C10orf105: variants seen among roughly 807,000 people sequenced by gnomAD.
C10orf105 encodes the protein chromosome 10 open reading frame 105, also known as uncharacterized protein C10orf105.
In C10orf105, 2 loss-of-function variants were observed where a neutral mutation model predicts 0.6. That is an observed-to-expected ratio of 3.18 (90% confidence interval 1.30 to 10.01). The LOEUF is 10.01. Ranked by LOEUF, C10orf105 falls within the 30% of genes most tolerant of loss-of-function variation. The pLI is 0.04. For synonymous variants in C10orf105, 95 were observed against 82.4 expected, an observed-to-expected ratio of 1.15 and a Z score of -0.83; for missense variants, 209 against 191.4, an observed-to-expected ratio of 1.09 and a Z score of -0.54.
chr10:71,715,624 G>A lies in C10orf105; in HGVS notation c.*312C>T, dbSNP rs1589365052. ...CGAGCGAGGGTGCTGCTTCTAGGAG[G>A]TGGTTACGAGCCCCAGGTTGTACCC... On this transcript the variant is annotated 3_prime_UTR_variant, in exon 2 of 2. Coordinates refer to ENST00000441508, the MANE Select transcript of C10orf105 (RefSeq NM_001164375.3). 2 of 261,190 alleles carry A rather than the reference G, an allele frequency of 7.7e-6. No individual in the cohort carries two copies. The highest frequency in any genetic ancestry group is 6.8e-5 in the East Asian group (1 of 14,642). 16.2% of individuals were successfully genotyped at this position (261,190 alleles called of 1,614,324 possible).
At chr10:71,737,260 G>A (rs1367484828) in intron 1 of C10orf105, among the ~76,000 whole-genome samples, 2 of 152,226 alleles carry the variant, frequency 1.3e-5, no homozygotes, top group Non-Finnish European at 2.9e-5. Flanking sequence ...GAACAGGGAA[G>A]AGTAGGTGCC....
intron 1 of C10orf105, chr10:71,734,201 G>A: frequency 3.3e-6 from 5 of 1,524,980 alleles, no homozygotes; most frequent in Non-Finnish European, 2.7e-6. Flanking sequence ...TAACAAGGGT[G>A]CGATGTTGTC....
upstream of C10orf105, chr10:71,724,082 G>A (rs753822806): frequency 1.9e-4 from 292 of 1,559,904 alleles, no homozygotes; most frequent in East Asian, 3.4e-4. Flanking sequence ...GAGTTTGGGC[G>A]TGTGTGGTAC....
Position 71,715,951 on chromosome 10 carries a change from T to A in C10orf105, c.387A>T (p.Glu129Asp). Residue 129 changes from glutamate (E) to aspartate (D), a missense_variant, in exon 2 of 2, where the codon GAA becomes GAT. Transcript: ENST00000441508. ...GGACACCCCATTACATCTTGGTAGA[T>A]TCCATGTAGTCACAGTGGCTGCGGT... Reference protein sequence around the residue: ...EDNRSHCDYMESTKM With the variant: ...EDNRSHCDYMDSTKM The A allele has an allele frequency of 6.8e-7, 1 of 1,472,744 alleles. No homozygotes were observed. Among genetic ancestry groups the A allele is most frequent in the Non-Finnish European group, 9.0e-7 (1 of 1,111,882 alleles). The allele number at this position is 1,472,744 out of a possible 1,614,324, so 91.2% of individuals were successfully genotyped here.
chr10:71,728,691 A>G (rs1005858730), intron 1 of C10orf105, among the ~76,000 whole-genome samples: 5 of 152,296 alleles, frequency 3.3e-5, no homozygotes, highest in Admixed American at 6.5e-5. Context: ...TTTGCTGGCA[A>G]GTTCCTACCG....
In C10orf105 at chr10:71,713,021, G is replaced by A. The variant is rs1342851940; in HGVS notation, c.*2915C>T. On this transcript the variant is annotated 3_prime_UTR_variant, in exon 2 of 2. Transcript: ENST00000441508. ...GTGGGCCCCCAGGTTGCAGAGCTGA[G>A]GATAGGGCTCTGGCTCCCCACAAAC... The A allele has an allele frequency of 1.4e-6, 1 of 740,554 alleles. No individual in the cohort carries two copies. The highest frequency in any genetic ancestry group is 1.5e-5 in the South Asian group (1 of 68,062). 45.9% of individuals were successfully genotyped at this position (740,554 alleles called of 1,614,324 possible).
At chr10:71,732,433 C>T (rs1839423773) in intron 1 of C10orf105, 1 of 1,546,394 alleles carries the variant, frequency 6.5e-7, no homozygotes, top group Non-Finnish European at 8.7e-7. Context: ...ATTGGTTGAG[C>T]TCCTTCTGTG....
rs894991080 is a variant in C10orf105, at chr10:71,725,240, G to A, written c.-5-8898C>T. The A allele has an allele frequency of 9.4e-6, 14 of 1,489,596 alleles. No individual in the cohort carries two copies. The African/African-American group carries it at 1.2e-4, about 13-fold the overall frequency. The allele number at this position is 1,489,596 out of a possible 1,614,324, so 92.3% of individuals were successfully genotyped here. A position where few individuals can be genotyped will look rare whatever the true frequency, so the allele number is the denominator to read the frequency against. ...CAGCTTCCTCTCCACTGTGAATTCTGTGTCCCAGAAGACCCGCAGCCTCCT... is the reference window on the plus strand; with the variant it reads ...CAGCTTCCTCTCCACTGTGAATTCTATGTCCCAGAAGACCCGCAGCCTCCT... On this transcript the variant is annotated intron_variant, in intron 1 of 1. Transcript: ENST00000398786.
rs368249713 is a variant in C10orf105 at position 71,718,023 on chromosome 10, C to T, written c.-6+1604G>A. ...GATATTTAAATTCTACTGACGTGGA[C>T]AAGCAATCCCAGGGGGTCTGATAAA... On this transcript the variant is annotated intron_variant, in intron 1 of 1. Transcript: ENST00000441508. 3.3e-5 allele frequency: 5 copies of T among 152,222 alleles called. 1 individual carries two copies. The East Asian group carries it at 7.7e-4, about 23-fold the overall frequency. The allele number at this position is 152,222 out of a possible 1,614,324, so 9.4% of individuals were successfully genotyped here.
At chr10:71,723,487 G>A (rs1422408841), upstream of C10orf105, among the ~76,000 whole-genome samples, 1 of 152,200 alleles carries the variant, frequency 6.6e-6, no homozygotes, top group Non-Finnish European at 1.5e-5. Context: ...AGGCCGATCT[G>A]AAGCTAGACT....
intron 1 of C10orf105, among the ~76,000 whole-genome samples, chr10:71,731,349 A>C (rs1389688390): frequency 1.3e-5 from 2 of 152,298 alleles, no homozygotes; most frequent in East Asian, 3.9e-4. Flanking sequence ...TGTGGCATGC[A>C]TGGGATGGGG....
chr10:71,728,351 C>T (rs1866908574), intron 1 of C10orf105, among the ~76,000 whole-genome samples: 1 of 152,082 alleles, frequency 6.6e-6, no homozygotes, highest in Admixed American at 6.5e-5. Flanking sequence ...CACAGCAGAG[C>T]TTTGGGAACC....
upstream of C10orf105, among the ~76,000 whole-genome samples, chr10:71,724,753 G>A (rs1866731384): frequency 6.6e-6 from 1 of 152,210 alleles, no homozygotes; most frequent in African/African-American, 2.4e-5. Flanking sequence ...AGAATCCAGT[G>A]CCCATCCCTG....
At chr10:71,737,465 G>A (rs1254926023) in intron 1 of C10orf105, among the ~76,000 whole-genome samples, 2 of 152,244 alleles carry the variant, frequency 1.3e-5, no homozygotes, top group East Asian at 3.8e-4. Context: ...AGATAGGGGA[G>A]TGTGGCTGGG....
In C10orf105 at chr10:71,716,117, C is replaced by T. The variant is rs1041112412; in HGVS notation, c.221G>A (p.Cys74Tyr). 2 of 1,547,928 alleles carry T rather than the reference C, an allele frequency of 1.3e-6. No individual in the cohort carries two copies. Among genetic ancestry groups the T allele is most frequent in the African/African-American group, 2.7e-5 (2 of 73,088 alleles). ...GGGGCTCCCAGGGTGGTGGGGCATGCACTCGTGAGCCCTGCGGCGGCTCGG... is the reference window on the plus strand; with the variant it reads ...GGGGCTCCCAGGGTGGTGGGGCATGTACTCGTGAGCCCTGCGGCGGCTCGG... The part of the protein sequence containing the change: ...LDPSRRRAHE[C>Y]MPHHPGSPSE... The change falls in exon 2 of 2, where the codon TGC (cysteine) becomes TAC (tyrosine). Residue 74 changes from cysteine to tyrosine, a missense_variant. Physicochemically the swap from Cys to Tyr is radical, Grantham distance 194. Transcript: ENST00000441508.
chr10:71,721,445 C>A (rs1866549818), upstream of C10orf105, among the ~76,000 whole-genome samples: 2 of 152,218 alleles, frequency 1.3e-5, no homozygotes, highest in Admixed American at 1.3e-4. Context: ...GACTTCTGAT[C>A]TTCCCCTCAA....
intron 1 of C10orf105, chr10:71,730,460 C>A (rs1166973738): frequency 6.2e-7 from 1 of 1,613,122 alleles, no homozygotes; most frequent in African/African-American, 1.3e-5. Context: ...CCTGGCCCGG[C>A]TCCCACAGGT....
At chr10:71,733,228 C>A (rs544559019) in intron 1 of C10orf105, among the ~76,000 whole-genome samples, 1 of 152,208 alleles carries the variant, frequency 6.6e-6, no homozygotes, top group South Asian at 2.1e-4. Flanking sequence ...AAGAGACACA[C>A]AGAGCAAGGC....
upstream of C10orf105, among the ~76,000 whole-genome samples, chr10:71,723,566 G>C (rs1463167384): frequency 1.3e-5 from 2 of 152,180 alleles, no homozygotes; most frequent in African/African-American, 4.8e-5. Flanking sequence ...CTTCCACGAA[G>C]TGACCGTTAC....
Sources: gnomAD v4.1 joint callset for allele counts (sites outside exome capture counted in the v4.1 genomes callset) on GRCh38, gnomAD v4.1.1 for gene constraint, MANE v1.5 for transcripts, NCBI Gene and HGNC (gene_info 2026-07-23, HGNC 2026-07-21) for gene names.